The following MPRIP variants were observed in gnomAD, a reference collection of about 807,000 sequenced individuals.
The protein encoded by MPRIP is myosin phosphatase Rho-interacting protein.
Under a neutral mutation model 234.9 loss-of-function variants are expected in MPRIP, and 59 were observed. The observed-to-expected ratio is 0.25, with a 90% CI of 0.20 to 0.31. The LOEUF (loss-of-function observed/expected upper bound fraction) is 0.31, where lower values mean the gene tolerates loss of function less well. MPRIP is among the 10% of genes least tolerant of loss of function. The probability of loss-of-function intolerance (pLI) is 1.00; values close to 1 mark genes in which losing one functional copy is unlikely to be tolerated. For missense variants in MPRIP, 2,436 were observed against 3,071.0 expected, an observed-to-expected ratio of 0.79 and a Z score of 4.89; for synonymous variants, 1,144 against 1,263.9, an observed-to-expected ratio of 0.91 and a Z score of 2.01.
At chr17:17,075,538 G>A (rs112396450) in intron 1 of MPRIP, among the ~76,000 whole-genome samples, 172 bp from the exon 2 acceptor site, 14 of 152,020 alleles carry the variant, frequency 9.2e-5, no homozygotes, top group Admixed American at 4.6e-4. Context: ...CAGAATCCCC[G>A]CCAGCCTCTG....
chr17:17,163,063 C>T (rs1030458545), intron 15 of MPRIP, among the ~76,000 whole-genome samples: 1 of 152,188 alleles, frequency 6.6e-6, no homozygotes, highest in African/African-American at 2.4e-5. Flanking sequence ...GACTTCTCAC[C>T]ACCCTTTATG....
At chr17:17,080,822 G>T (rs960668026) in intron 3 of MPRIP, among the ~76,000 whole-genome samples, 2 of 152,244 alleles carry the variant, frequency 1.3e-5, no homozygotes, top group Non-Finnish European at 2.9e-5. Context: ...GGACTCACCT[G>T]TCAGATTTCC....
intron 6 of MPRIP, among the ~76,000 whole-genome samples, 188 bp from the exon 7 acceptor site, chr17:17,137,728 A>G (rs1360902664): frequency 2.0e-5 from 3 of 152,062 alleles, no homozygotes; most frequent in African/African-American, 7.2e-5. Flanking sequence ...AGCATGCACG[A>G]AATATTTCAT....
chr17:17,059,207 C>T (rs767104142), intron 1 of MPRIP, among the ~76,000 whole-genome samples: 2 of 152,324 alleles, frequency 1.3e-5, no homozygotes, highest in Middle Eastern at 3.4e-3. Flanking sequence ...GAGCTCTTTA[C>T]GGTCTGCCAT....
chr17:17,161,642 C>T (rs927413506), intron 15 of MPRIP, among the ~76,000 whole-genome samples: 1 of 152,162 alleles, frequency 6.6e-6, no homozygotes, highest in Non-Finnish European at 1.5e-5. Flanking sequence ...CCCTTTGACT[C>T]TGAAAGTAGC....
At chr17:17,069,458 T>C (rs963551330) in intron 1 of MPRIP, among the ~76,000 whole-genome samples, 1 of 151,888 alleles carries the variant, frequency 6.6e-6, no homozygotes, top group Non-Finnish European at 1.5e-5. Flanking sequence ...AATGCGTCTC[T>C]GGTTATTATT....
At chr17:17,077,905 G>T (rs1034702953) in intron 2 of MPRIP, 106 bp from the exon 3 acceptor site, 12 of 1,081,926 alleles carry the variant, frequency 1.1e-5, no homozygotes, top group Non-Finnish European at 1.7e-5. Flanking sequence ...AATCTGTGGA[G>T]TGACCTTCCT....
intron 23 of MPRIP, chr17:17,180,704 T>C: frequency 1.9e-6 from 3 of 1,576,900 alleles, no homozygotes; most frequent in Non-Finnish European, 2.6e-6. Flanking sequence ...CATGCACTGC[T>C]CACACCCCCA....
chr17:17,179,418 C>A (rs2046325873), intron 22 of MPRIP: 1 of 151,000 alleles, frequency 6.6e-6, no homozygotes, highest in Admixed American at 6.6e-5. Context: ...CCACTGCACT[C>A]CAGCCTGGCG....
intron 3 of MPRIP, among the ~76,000 whole-genome samples, chr17:17,092,423 G>A (rs2089740739): frequency 6.6e-6 from 1 of 152,172 alleles, no homozygotes; most frequent in Non-Finnish European, 1.5e-5. Context: ...CATTGTGACA[G>A]CTGCGTCCTC....
rs1402587904 is a variant in MPRIP, at chr17:17,164,455, G to A, written c.2864G>A (p.Ser955Asn). ...EAALSSQLRASEQKLKSAEAL... is the reference protein window; with the variant it reads ...EAALSSQLRANEQKLKSAEAL... ...GCGCTGAGCAGCCAGCTGAGGGCTA[G>A]CGAGCAGAAGCTCAAGAGTGCTGAG... Residue 955 changes from serine (S) to asparagine (N), a missense_variant, in exon 16 of 24, where the codon AGC (serine) becomes AAC (asparagine). Around this residue, in one of 4 missense-constraint regions of MPRIP, gnomAD observed 1,998 missense variants for 2,520.3 expected, o/e 0.79. Coordinates refer to ENST00000651222, the MANE Select transcript of MPRIP (RefSeq NM_001364716.4). The A allele has an allele frequency of 2.4e-6, 3 of 1,240,818 alleles. No individual in the cohort carries two copies. The highest frequency in any genetic ancestry group is 3.1e-6 in the Non-Finnish European group (3 of 963,958). 76.9% of individuals were successfully genotyped at this position (1,240,818 alleles called of 1,614,324 possible). A position where few individuals can be genotyped will look rare whatever the true frequency, so the allele number is the denominator to read the frequency against.
chr17:17,143,510 C>T, intron 8 of MPRIP, 46 bp from the exon 9 acceptor site: 5 of 1,314,632 alleles, frequency 3.8e-6, no homozygotes, highest in Non-Finnish European at 5.2e-6. Context: ...CTCACATGCC[C>T]ACATTGCCCT....
At chr17:17,148,941 C>A (rs2045535890) in intron 11 of MPRIP, among the ~76,000 whole-genome samples, 1 of 152,162 alleles carries the variant, frequency 6.6e-6, no homozygotes. Context: ...CTTACACTCT[C>A]CTGATGAAAT....
In MPRIP at chr17:17,137,989, G is replaced by A. The variant is rs749324644; in HGVS notation, c.810G>A (p.Leu270=). ...KVRVESGYFS[L]EKTKQDLKAE... ...GGGTGGAGAGCGGCTACTTCTCTCT[G>A]GAGAAGACCAAACAGGACTTGAAGG... Residue 270 remains leucine, a synonymous_variant, in exon 7 of 24, where the codon CTG becomes CTA. Coordinates refer to ENST00000651222, the MANE Select transcript of MPRIP (RefSeq NM_001364716.4). The A allele has an allele frequency of 3.2e-5, 52 of 1,612,668 alleles. 1 individual carries two copies. The Admixed American group carries it at 8.0e-4, about 25-fold the overall frequency.
At chr17:17,113,468 C>T (rs2090213978) in intron 3 of MPRIP, among the ~76,000 whole-genome samples, 1 of 152,168 alleles carries the variant, frequency 6.6e-6, no homozygotes, top group Non-Finnish European at 1.5e-5. Flanking sequence ...TAGCACATAC[C>T]AGAATTTCTT....
chr17:17,143,693 C>A, intron 9 of MPRIP, 24 bp downstream of exon 9: 1 of 1,500,428 alleles, frequency 6.7e-7, no homozygotes, highest in South Asian at 1.2e-5. Context: ...CCGCGTCCTC[C>A]GGAGGCCGTG....
chr17:17,131,780 A>C, intron 5 of MPRIP, 79 bp downstream of exon 5: 1 of 1,324,920 alleles, frequency 7.5e-7, no homozygotes, highest in Non-Finnish European at 1.1e-6. Flanking sequence ...CTGAGGTTAG[A>C]GGGTGAGGAC....
At chr17:17,144,623 C>T (rs958343377) in intron 9 of MPRIP, among the ~76,000 whole-genome samples, 3 of 152,220 alleles carry the variant, frequency 2.0e-5, no homozygotes, top group Non-Finnish European at 2.9e-5. Flanking sequence ...TTTGGGAGGC[C>T]GAGGTGGGCA....
chr17:17,154,536 C>T, intron 13 of MPRIP, 121 bp downstream of exon 13: 2 of 735,636 alleles, frequency 2.7e-6, no homozygotes, highest in South Asian at 1.6e-5. Flanking sequence ...CAGTCTGCTG[C>T]TCCTTCCTTC....
Sources: allele counts gnomAD v4.1 joint callset (sites outside exome capture counted in the v4.1 genomes callset), GRCh38; gene constraint gnomAD v4.1.1; regional missense constraint gnomAD v4.1.1; transcripts MANE v1.5; gene names NCBI Gene and HGNC (gene_info 2026-07-23, HGNC 2026-07-21).